ABHD2: variants seen among roughly 807,000 people sequenced by gnomAD.
ABHD2 encodes abhydrolase domain containing 2, acylglycerol lipase, also known as monoacylglycerol lipase ABHD2.
ABHD2 carries 20 observed loss-of-function variants against 48.1 expected under a neutral mutation model. That is an observed-to-expected ratio of 0.42 (90% CI 0.29 to 0.60). ABHD2 has a LOEUF of 0.60. Ranked by LOEUF, ABHD2 falls within the 20% of genes least tolerant of loss-of-function variation. The pLI is 0.24. For missense variants in ABHD2, 405 were observed against 550.9 expected, an observed-to-expected ratio of 0.74 and a Z score of 2.65; for synonymous variants, 209 against 214.2, an observed-to-expected ratio of 0.98 and a Z score of 0.21.
the ABHD2 span, among the ~76,000 whole-genome samples, chr15:89,054,568 C>G: frequency 6.6e-6 from 1 of 151,958 alleles, no homozygotes; most frequent in Admixed American, 6.6e-5. Flanking sequence ...GTAGTCCCAG[C>G]TACTTGGAAG....
chr15:89,050,191 C>T, the ABHD2 span, among the ~76,000 whole-genome samples: 6 of 152,168 alleles, frequency 3.9e-5, no homozygotes, highest in Non-Finnish European at 5.9e-5. Context: ...GCAGACCTGG[C>T]CTGTCTCCCT....
In ABHD2 at chr15:89,174,752, C is replaced by T. The variant is rs2050984320; in HGVS notation, c.539-1060C>T. Among the ~76,000 whole-genome samples the T allele has an allele frequency of 6.6e-6, 1 of 152,170 alleles. No individual in the cohort carries two copies. Among genetic ancestry groups the T allele is most frequent in the Non-Finnish European group, 1.5e-5 (1 of 68,036 alleles). ...CTTTCCATGTTAGATTTTAAATTGGCTCCCTACAGAGTTTGAGGTTGGGCC... is the reference window on the plus strand; with the variant it reads ...CTTTCCATGTTAGATTTTAAATTGGTTCCCTACAGAGTTTGAGGTTGGGCC... On this transcript the variant is annotated intron_variant, in intron 5 of 10. Coordinates refer to ENST00000352732, the MANE Select transcript of ABHD2 (RefSeq NM_152924.5). This position sits in a 1 kb window ranked among gnomAD's most constrained non-coding sequence, Gnocchi z 4.1.
chr15:89,170,022 T>G (rs1238936617), intron 5 of ABHD2, among the ~76,000 whole-genome samples: 1 of 145,478 alleles, frequency 6.9e-6, no homozygotes, highest in African/African-American at 2.6e-5. Context: ...CCCCACTGTT[T>G]CACCCCTTGT....
At position 89,184,849 on chromosome 15, in the gene ABHD2, G is replaced by A. The variant is rs2051179016; in HGVS notation, c.723-575G>A. 6.6e-6 allele frequency among the ~76,000 whole-genome samples: 1 copy of A among 152,212 alleles called. No homozygotes were observed. On this transcript the variant is annotated intron_variant, in intron 6 of 10. Coordinates refer to ENST00000352732, the MANE Select transcript of ABHD2 (RefSeq NM_152924.5). This position sits in a 1 kb window ranked among gnomAD's most constrained non-coding sequence, Gnocchi z 5.1. ...GCCCCACCAGCTGTGCCTACAAAGGGTTAAGGGCCTGTCTACTTCCACTTC... is the reference window on the plus strand; with the variant it reads ...GCCCCACCAGCTGTGCCTACAAAGGATTAAGGGCCTGTCTACTTCCACTTC...
At chr15:89,117,858 A>G (rs1220374452) in intron 3 of ABHD2, among the ~76,000 whole-genome samples, 1 of 152,146 alleles carries the variant, frequency 6.6e-6, no homozygotes, top group African/African-American at 2.4e-5. Flanking sequence ...ATGTACTATT[A>G]TGTGCTTTAG....
intron 3 of ABHD2, among the ~76,000 whole-genome samples, chr15:89,144,652 CAGAG>C (rs1434348252): frequency 6.6e-6 from 1 of 152,086 alleles, no homozygotes; most frequent in East Asian, 1.9e-4. Flanking sequence ...CCTACAGAGA[CAGAG>C]AGCAGATTAG....
rs1302868973 is a variant in ABHD2 at position 89,179,164 on chromosome 15, G to A, written c.722+3169G>A. On this transcript the variant is annotated intron_variant, in intron 6 of 10. Coordinates refer to ENST00000352732, the MANE Select transcript of ABHD2 (RefSeq NM_152924.5). The surrounding 1 kb of genome is among the most constrained non-coding windows in gnomAD (Gnocchi z 4.3). ...GGTCCATGAGGAGGGATTTCTGAAG[G>A]AGGTGAGGGTGAGGAGGACAGTAGC... Among the ~76,000 whole-genome samples, 5 of 152,322 alleles carry A rather than the reference G, an allele frequency of 3.3e-5. No homozygotes were observed. The highest frequency in any genetic ancestry group is 7.2e-5 in the African/African-American group (3 of 41,580).
rs929178885 is a variant in ABHD2 at position 89,188,735 on chromosome 15, G to A, written c.926+432G>A. Reference sequence around the variant, plus strand: ...CTAACAAGAGTAGAAAAACTGGCTGGGGGCAGTGTCTCATGCCTGTAATCC... The same window carrying A: ...CTAACAAGAGTAGAAAAACTGGCTGAGGGCAGTGTCTCATGCCTGTAATCC... On this transcript the variant is annotated intron_variant, in intron 8 of 10. Coordinates refer to ENST00000352732, the MANE Select transcript of ABHD2 (RefSeq NM_152924.5). The surrounding 1 kb of genome is among the most constrained non-coding windows in gnomAD (Gnocchi z 4.1). 2.0e-5 allele frequency among the ~76,000 whole-genome samples: 3 copies of A among 152,086 alleles called. No individual in the cohort carries two copies. Among genetic ancestry groups the A allele is most frequent in the Admixed American group, 6.5e-5 (1 of 15,268 alleles).
the ABHD2 span, among the ~76,000 whole-genome samples, chr15:89,053,219 A>G: frequency 4.6e-5 from 7 of 151,196 alleles, 1 homozygote; most frequent in Admixed American, 1.3e-4. Flanking sequence ...GCCCACCTCA[A>G]CCTCCCAAAG....
At chr15:89,193,555 A>G (rs2051341866) in intron 10 of ABHD2, 5 of 558,866 alleles carry the variant, frequency 8.9e-6, no homozygotes, top group Middle Eastern at 4.6e-4. Context: ...ATGTATATCC[A>G]TAGCCAGTAG....
the ABHD2 span, among the ~76,000 whole-genome samples, chr15:89,055,480 A>T: frequency 6.6e-6 from 1 of 151,708 alleles, no homozygotes; most frequent in East Asian, 2.0e-4. Context: ...CTATAGGCGA[A>T]TGCCATCATG....
intron 3 of ABHD2, among the ~76,000 whole-genome samples, chr15:89,132,400 C>G (rs1353989948): frequency 6.6e-6 from 1 of 152,134 alleles, no homozygotes. Flanking sequence ...TGCAGACGTT[C>G]AGAACTTAGC....
In ABHD2 at chr15:89,120,732, G is replaced by A. The variant is rs112438231; in HGVS notation, c.194+4211G>A. ...GAACTGTTGACCTCGTGATCCGCCC[G>A]CCTCGGCCTTCCAAAGTGCTGCGAT... On this transcript the variant is annotated intron_variant, in intron 3 of 10. Transcript: ENST00000352732. The surrounding 1 kb of genome is among the most constrained non-coding windows in gnomAD (Gnocchi z 4.2). The A allele has an allele frequency of 0.045, 6,790 of 152,142 alleles. 269 individuals carry two copies. Among genetic ancestry groups the A allele is most frequent in the African/African-American group, 0.11 (4,398 of 41,462 alleles). The allele number at this position is 152,142 out of a possible 1,614,324, so 9.4% of individuals were successfully genotyped here.
intron 3 of ABHD2, among the ~76,000 whole-genome samples, chr15:89,141,700 T>G (rs746947044): frequency 9.9e-5 from 15 of 152,114 alleles, no homozygotes; most frequent in Non-Finnish European, 1.3e-4. Context: ...ACTAGTGTTG[T>G]TTAGTACTTG....
chr15:89,046,442 C>T, the ABHD2 span, among the ~76,000 whole-genome samples: 1 of 151,860 alleles, frequency 6.6e-6, no homozygotes, highest in South Asian at 2.1e-4. Flanking sequence ...CCCTCTTTTT[C>T]TATTGATTGG....
rs1164627824 is a variant in ABHD2, at chr15:89,177,056, A to G, written c.722+1061A>G. ...GCCCAGGATTCAGCCTCTCCCTATG[A>G]GGCTTAAAGCTGGCTGAAAAAGGTG... On this transcript the variant is annotated intron_variant, in intron 6 of 10. Coordinates refer to ENST00000352732, the MANE Select transcript of ABHD2 (RefSeq NM_152924.5). This position sits in a 1 kb window ranked among gnomAD's most constrained non-coding sequence, Gnocchi z 5.6. Among the ~76,000 whole-genome samples, 3 of 152,336 alleles carry G rather than the reference A, an allele frequency of 2.0e-5. No homozygotes were observed. Among genetic ancestry groups the G allele is most frequent in the Middle Eastern group, 3.4e-3 (1 of 294 alleles).
At chr15:89,063,122 C>A in the ABHD2 span, among the ~76,000 whole-genome samples, 6 of 152,016 alleles carry the variant, frequency 3.9e-5, no homozygotes. Context: ...CGCACGCCAC[C>A]ATGCCCGGCT....
intron 3 of ABHD2, among the ~76,000 whole-genome samples, chr15:89,141,424 G>A (rs1445496379): frequency 6.6e-6 from 1 of 152,192 alleles, no homozygotes; most frequent in African/African-American, 2.4e-5. Context: ...CTTGAGGTAA[G>A]GACTTCAAGA....
rs1249302232 is a variant in ABHD2 at position 89,114,909 on chromosome 15, GGTGGAAGACTAGTTACGGAGCT to G, written c.-7+1089_-7+1110del. Among the ~76,000 whole-genome samples the G allele has an allele frequency of 6.6e-6, 1 of 152,158 alleles. No homozygotes were observed. Among genetic ancestry groups the G allele is most frequent in the Non-Finnish European group, 1.5e-5 (1 of 68,018 alleles). ...TTAAAAATCCTTGTCTTGCCCTGAT[GGTGGAAGACTAGTTACGGAGCT>G]GTGATCTTTTACTTCCATTCATTAC... is the stretch of plus-strand genomic sequence containing the variant. On this transcript the variant is annotated intron_variant, in intron 2 of 10. Coordinates refer to ENST00000352732, the MANE Select transcript of ABHD2 (RefSeq NM_152924.5). The surrounding 1 kb of genome is among the most constrained non-coding windows in gnomAD (Gnocchi z 4.2).
Sources: gnomAD v4.1 joint callset for allele counts (sites outside exome capture counted in the v4.1 genomes callset) on GRCh38, gnomAD v4.1.1 for gene constraint, Gnocchi (gnomAD v3.1) non-coding constraint, MANE v1.5 for transcripts, NCBI Gene and HGNC (gene_info 2026-07-23, HGNC 2026-07-21) for gene names.